The following MYO1E variants were observed in gnomAD, a reference collection of about 807,000 sequenced individuals.
MYO1E encodes the protein unconventional myosin-Ie.
A neutral mutation model predicts 151.1 loss-of-function variants in MYO1E; 68 were observed. The ratio of observed to expected loss-of-function variants is 0.45; its 90% CI spans 0.37 to 0.55. MYO1E has a LOEUF of 0.55. MYO1E is among the 20% of genes least tolerant of loss of function. The pLI is 0.00. For missense variants in MYO1E, 1,363 were observed against 1,389.3 expected, an observed-to-expected ratio of 0.98 and a Z score of 0.30; for synonymous variants, 601 against 501.7, an observed-to-expected ratio of 1.20 and a Z score of -2.64.
At chr15:59,192,729 C>G (rs2079741567) in intron 17 of MYO1E, among the ~76,000 whole-genome samples, 1 of 152,216 alleles carries the variant, frequency 6.6e-6, no homozygotes, top group Non-Finnish European at 1.5e-5. Flanking sequence ...TTGGCAATAC[C>G]TCTGCTTCCA....
intron 5 of MYO1E, among the ~76,000 whole-genome samples, chr15:59,233,988 C>CT (rs1482794499): frequency 4.6e-5 from 7 of 151,096 alleles, no homozygotes; most frequent in Admixed American, 2.6e-4. Flanking sequence ...AAGTAATTTC[C>CT]TTTTTCTCTT....
intron 23 of MYO1E, 39 bp downstream of exon 23, chr15:59,163,118 A>G (rs1167711826): frequency 6.2e-7 from 1 of 1,610,998 alleles, no homozygotes; most frequent in South Asian, 1.1e-5. Flanking sequence ...ACCCCTTTTT[A>G]GCTACACGCA....
intron 1 of MYO1E, among the ~76,000 whole-genome samples, chr15:59,367,988 T>C (rs1363262899): frequency 1.3e-5 from 2 of 151,922 alleles, no homozygotes; most frequent in East Asian, 3.9e-4. Flanking sequence ...GGTGTGGTGG[T>C]GGGGCCTGTA....
chr15:59,368,211 G>T (rs1301256143), intron 1 of MYO1E, among the ~76,000 whole-genome samples: 6 of 152,184 alleles, frequency 3.9e-5, no homozygotes, highest in Non-Finnish European at 8.8e-5. Context: ...TAATATGGTC[G>T]ATATAACCAT....
chr15:59,275,849 C>T (rs1315594500), intron 1 of MYO1E, among the ~76,000 whole-genome samples: 2 of 152,166 alleles, frequency 1.3e-5, no homozygotes, highest in African/African-American at 4.8e-5. Flanking sequence ...CTGAAAAGTT[C>T]CCCACAGTGA....
intron 1 of MYO1E, among the ~76,000 whole-genome samples, chr15:59,331,547 C>G (rs1262712424): frequency 1.3e-5 from 2 of 152,100 alleles, no homozygotes; most frequent in African/African-American, 4.8e-5. Flanking sequence ...TCCTAGAGAT[C>G]GCAATCAACT....
At chr15:59,357,426 CTT>C (rs532794951) in intron 1 of MYO1E, among the ~76,000 whole-genome samples, 9 of 136,992 alleles carry the variant, frequency 6.6e-5, no homozygotes, top group Admixed American at 7.4e-5. Flanking sequence ...AAGGAGATAA[CTT>C]TTTTTTTTTT....
At chr15:59,361,123 T>A (rs1308496456) in intron 1 of MYO1E, among the ~76,000 whole-genome samples, 1 of 152,050 alleles carries the variant, frequency 6.6e-6, no homozygotes, top group Admixed American at 6.5e-5. Flanking sequence ...GGCCAAGCCA[T>A]CCCATGGCCC....
intron 19 of MYO1E, among the ~76,000 whole-genome samples, chr15:59,176,197 T>A (rs946801574): frequency 3.3e-5 from 5 of 151,876 alleles, no homozygotes; most frequent in Non-Finnish European, 7.4e-5. Flanking sequence ...TAGCTGGGAC[T>A]ACAGGCGCCC....
intron 1 of MYO1E, among the ~76,000 whole-genome samples, chr15:59,298,301 G>T (rs964363115): frequency 2.0e-5 from 3 of 152,196 alleles, no homozygotes; most frequent in African/African-American, 7.2e-5. Flanking sequence ...GGGCCATGGA[G>T]TATGTGTTTG....
At chr15:59,212,478 C>T (rs72746825) in intron 12 of MYO1E, among the ~76,000 whole-genome samples, 5,047 of 152,184 alleles carry the variant, frequency 0.033, 131 homozygotes, top group Non-Finnish European at 0.052. Flanking sequence ...ATAGTATCCC[C>T]CCAAATTTCA....
At chr15:59,325,983 C>G (rs544924996) in intron 1 of MYO1E, among the ~76,000 whole-genome samples, 1 of 152,162 alleles carries the variant, frequency 6.6e-6, no homozygotes, top group African/African-American at 2.4e-5. Context: ...CAAAAAGCAA[C>G]AGCTACGACA....
At chr15:59,332,940 G>A (rs1165000427) in intron 1 of MYO1E, among the ~76,000 whole-genome samples, 1 of 152,152 alleles carries the variant, frequency 6.6e-6, no homozygotes, top group Non-Finnish European at 1.5e-5. Context: ...GTTTCCTACT[G>A]TGTAGACAAA....
chr15:59,233,642 G>C (rs966982389), intron 5 of MYO1E, among the ~76,000 whole-genome samples: 1 of 126,698 alleles, frequency 7.9e-6, no homozygotes. Flanking sequence ...CCAGCCTGGC[G>C]ACAGAGCGAG....
At chr15:59,206,630 A>T (rs2079835832) in intron 14 of MYO1E, 1 of 339,994 alleles carries the variant, frequency 2.9e-6, no homozygotes, top group Non-Finnish European at 5.3e-6. Flanking sequence ...TTAAAAATAA[A>T]AAACTAGTAA....
chr15:59,139,750 T>G (rs2079398267), intron 26 of MYO1E, among the ~76,000 whole-genome samples: 1 of 151,044 alleles, frequency 6.6e-6, no homozygotes, highest in Admixed American at 6.6e-5. Context: ...CTCCTCAGAC[T>G]TCCCTCCCGT....
At chr15:59,163,356 C>CT in intron 22 of MYO1E, 53 bp from the exon 23 acceptor site, 1 of 1,555,506 alleles carries the variant, frequency 6.4e-7, no homozygotes, top group Non-Finnish European at 8.7e-7. Flanking sequence ...TCTGTTTACT[C>CT]TATTGTTTTT....
At chr15:59,152,361 A>G (rs1174269613) in intron 26 of MYO1E, among the ~76,000 whole-genome samples, 2 of 152,202 alleles carry the variant, frequency 1.3e-5, no homozygotes, top group East Asian at 1.9e-4. Context: ...AAACTTCTCC[A>G]TGGTGCTGGA....
chr15:59,354,651 TG>T (rs2080843930), intron 1 of MYO1E, among the ~76,000 whole-genome samples: 1 of 152,214 alleles, frequency 6.6e-6, no homozygotes, highest in Admixed American at 6.5e-5. Context: ...AATGGCTCTT[TG>T]TTCGGAGTTG....
Sources: allele counts gnomAD v4.1 joint callset (sites outside exome capture counted in the v4.1 genomes callset), GRCh38; gene constraint gnomAD v4.1.1; transcripts MANE v1.5; gene names NCBI Gene and HGNC (gene_info 2026-07-23, HGNC 2026-07-21).